Variants in YAP1 observed in about 807,000 individuals in gnomAD.
YAP1 encodes Yes1 associated transcriptional regulator, also known as transcriptional coactivator YAP1.
Under a neutral mutation model 56.9 loss-of-function variants are expected in YAP1, and 5 were observed. The ratio of observed to expected loss-of-function variants is 0.09; its 90% confidence interval spans 0.05 to 0.18. The LOEUF (loss-of-function observed/expected upper bound fraction) is 0.18. Ranked by LOEUF, YAP1 falls within the 10% of genes least tolerant of loss-of-function variation. The pLI is 1.00. For synonymous variants in YAP1, 265 were observed against 248.1 expected, an observed-to-expected ratio of 1.07 and a Z score of -0.64; for missense variants, 539 against 651.8, an observed-to-expected ratio of 0.83 and a Z score of 1.88.
intron 2 of YAP1, among the ~76,000 whole-genome samples, chr11:102,149,734 G>A (rs1827599278): frequency 6.6e-6 from 1 of 152,122 alleles, no homozygotes; most frequent in Admixed American, 6.6e-5. Context: ...TTTGTTTTCA[G>A]TTACATAAAA....
chr11:102,134,730 A>C (rs567209614), intron 2 of YAP1, among the ~76,000 whole-genome samples: 7 of 152,048 alleles, frequency 4.6e-5, no homozygotes, highest in Admixed American at 3.9e-4. Flanking sequence ...AATTTGAGAG[A>C]TAGGGTCTCA....
chr11:102,199,154 C>T (rs1029903186), intron 4 of YAP1, among the ~76,000 whole-genome samples: 56 of 152,232 alleles, frequency 3.7e-4, no homozygotes, highest in African/African-American at 1.3e-3. Context: ...ATGGAGCACC[C>T]ACTATTCCAG....
intron 2 of YAP1, among the ~76,000 whole-genome samples, chr11:102,130,559 C>A (rs1194845683): frequency 6.6e-6 from 1 of 151,888 alleles, no homozygotes; most frequent in East Asian, 1.9e-4. Flanking sequence ...TGTGCCACCA[C>A]ACCTGGCTAA....
intron 2 of YAP1, among the ~76,000 whole-genome samples, chr11:102,127,854 T>A (rs1177281100): frequency 6.6e-6 from 1 of 152,186 alleles, no homozygotes; most frequent in Non-Finnish European, 1.5e-5. Flanking sequence ...ATCCATCTCT[T>A]GTATCAGTGA....
intron 8 of YAP1, among the ~76,000 whole-genome samples, chr11:102,229,000 C>T (rs1950337873): frequency 6.6e-6 from 1 of 152,210 alleles, no homozygotes; most frequent in Non-Finnish European, 1.5e-5. Context: ...AACACCTTTA[C>T]TTACTCCTCT....
chr11:102,229,037 C>A (rs1950340717), intron 8 of YAP1, among the ~76,000 whole-genome samples: 1 of 152,162 alleles, frequency 6.6e-6, no homozygotes, highest in South Asian at 2.1e-4. Context: ...TTCTCCAGAC[C>A]CCTGTAGCAC....
chr11:102,160,167 G>A (rs1390677054), intron 2 of YAP1, among the ~76,000 whole-genome samples: 1 of 151,996 alleles, frequency 6.6e-6, no homozygotes, highest in Non-Finnish European at 1.5e-5. Flanking sequence ...GGGATTACAG[G>A]CGTGTGCCAC....
rs943020361 is a variant in YAP1 at position 102,229,976 on chromosome 11, G to T, written c.*36G>T. On this transcript the variant is annotated 3_prime_UTR_variant, in exon 9 of 9. Transcript: ENST00000282441. Reference sequence around the variant, plus strand: ...CAGACTGAATTCTAAATCTGTGAAGGATCTAAGGAGACACATGCACCGGAA... The same window carrying T: ...CAGACTGAATTCTAAATCTGTGAAGTATCTAAGGAGACACATGCACCGGAA... The T allele has an allele frequency of 2.5e-6, 4 of 1,570,166 alleles. No individual in the cohort carries two copies. The African/African-American group carries it at 4.1e-5, about 16-fold the overall frequency.
chr11:102,169,870 A>C lies in YAP1; in HGVS notation c.688+7299A>C, dbSNP rs979770131. Among the ~76,000 whole-genome samples the C allele has an allele frequency of 2.0e-5, 3 of 152,348 alleles. No homozygotes were observed. The South Asian group carries it at 6.2e-4, about 32-fold the overall frequency. On this transcript the variant is annotated intron_variant, in intron 3 of 8. Transcript: ENST00000282441. ...TATGGAAACAACCACCATTTTTCTT[A>C]CTTAAAACTATGGCCAATCCATTTC...
chr11:102,230,576 A>C lies in YAP1; in HGVS notation c.*636A>C, dbSNP rs1950401192. The C allele has an allele frequency of 6.6e-6, 1 of 152,562 alleles. No individual in the cohort carries two copies. Among genetic ancestry groups the C allele is most frequent in the Admixed American group, 6.6e-5 (1 of 15,266 alleles). The allele number at this position is 152,562 out of a possible 1,614,324, so 9.5% of individuals were successfully genotyped here. On this transcript the variant is annotated 3_prime_UTR_variant, in exon 9 of 9. Transcript: ENST00000282441. ...TAAGGCATGAGACAATTTCCATATA[A>C]ATATATTAATTATTGCCACATACTC...
chr11:102,120,825 T>A (rs1943604542), intron 2 of YAP1, among the ~76,000 whole-genome samples: 1 of 152,218 alleles, frequency 6.6e-6, no homozygotes, highest in South Asian at 2.1e-4. Flanking sequence ...ACTGTGTGCT[T>A]TGACAAAATG....
intron 6 of YAP1, among the ~76,000 whole-genome samples, chr11:102,214,814 A>G (rs1385763659): frequency 2.6e-5 from 4 of 152,190 alleles, no homozygotes; most frequent in African/African-American, 7.2e-5. Flanking sequence ...TAACTTTGAG[A>G]CCATGATTGA....
At chr11:102,131,509 G>T (rs938231153) in intron 2 of YAP1, among the ~76,000 whole-genome samples, 1 of 152,178 alleles carries the variant, frequency 6.6e-6, no homozygotes, top group Non-Finnish European at 1.5e-5. Context: ...GAGAGATCTT[G>T]CTGTCTTTGT....
chr11:102,169,859 C>T (rs1478227936), intron 3 of YAP1, among the ~76,000 whole-genome samples: 1 of 152,058 alleles, frequency 6.6e-6, no homozygotes, highest in Non-Finnish European at 1.5e-5. Flanking sequence ...GAAACAACCA[C>T]CATTTTTCTT....
chr11:102,131,459 G>T (rs1233936758), intron 2 of YAP1, among the ~76,000 whole-genome samples: 1 of 152,132 alleles, frequency 6.6e-6, no homozygotes, highest in Non-Finnish European at 1.5e-5. Flanking sequence ...CCTTTTCATT[G>T]GTAACTGTCC....
At chr11:102,208,699 C>T (rs914453183) in intron 5 of YAP1, among the ~76,000 whole-genome samples, 2 of 151,656 alleles carry the variant, frequency 1.3e-5, no homozygotes, top group African/African-American at 2.4e-5. Flanking sequence ...TTGTTGTTGC[C>T]GAGTAGTAGT....
intron 3 of YAP1, among the ~76,000 whole-genome samples, chr11:102,170,233 C>A (rs4754837): frequency 0.92 from 140,102 of 152,254 alleles, 65,555 homozygotes; most frequent in East Asian, 1. Context: ...ATGATTTTTA[C>A]AGTATTAATT....
intron 1 of YAP1, chr11:102,112,376 T>G: frequency 1.0e-6 from 1 of 971,116 alleles, no homozygotes; most frequent in Non-Finnish European, 1.2e-6. Context: ...TCCCAGTGGA[T>G]TTGTTTTGTG....
intron 4 of YAP1, among the ~76,000 whole-genome samples, chr11:102,204,225 AG>A (rs201602529): frequency 6.7e-6 from 1 of 150,208 alleles, no homozygotes; most frequent in East Asian, 1.9e-4. Flanking sequence ...AAGACAGAAA[AG>A]GGGAAAAAAA....
Sources: allele counts gnomAD v4.1 joint callset (sites outside exome capture counted in the v4.1 genomes callset), GRCh38; gene constraint gnomAD v4.1.1; transcripts MANE v1.5; gene names NCBI Gene and HGNC (gene_info 2026-07-23, HGNC 2026-07-21).